THSD7A: variants seen among roughly 807,000 people sequenced by gnomAD.
The protein encoded by THSD7A is thrombospondin type-1 domain-containing protein 7A.
Under a neutral mutation model 231.3 loss-of-function variants are expected in THSD7A, and 96 were observed. The observed-to-expected ratio is 0.41, with a 90% CI of 0.35 to 0.49. The LOEUF (loss-of-function observed/expected upper bound fraction) is 0.49, where lower values mean the gene tolerates loss of function less well. Ranked by LOEUF, THSD7A falls within the 20% of genes least tolerant of loss-of-function variation. The probability of loss-of-function intolerance (pLI) is 0.05; values close to 1 mark genes in which losing one functional copy is unlikely to be tolerated. For synonymous variants in THSD7A, 940 were observed against 743.3 expected, an observed-to-expected ratio of 1.26 and a Z score of -4.30; for missense variants, 2,290 against 2,070.2, an observed-to-expected ratio of 1.11 and a Z score of -2.06.
chr7:11,447,236 G>C lies in THSD7A; in HGVS notation c.2794C>G (p.Leu932Val), dbSNP rs1784999600. 1 of 1,612,876 alleles carries C rather than the reference G, an allele frequency of 6.2e-7. No individual in the cohort carries two copies. The highest frequency in any genetic ancestry group is 8.5e-7 in the Non-Finnish European group (1 of 1,179,332). ...CGAVRTRKRT[L>V]VGKSKKKEKC... is the part of the protein sequence containing the mutation. ...GCATCCCAATTATTCTTACCAACAA[G>C]AGTGCGCTTTCTGGTCCTAACTGCA... Residue 932 changes from leucine to valine, a missense_variant, in exon 12 of 28, where the codon CTT (leucine) becomes GTT (valine). Physicochemically the swap from Leu to Val is conservative, Grantham distance 32. Coordinates refer to ENST00000423059, the MANE Select transcript of THSD7A (RefSeq NM_015204.3).
At chr7:11,389,307 G>C (rs1782885847) in intron 23 of THSD7A, among the ~76,000 whole-genome samples, 1 of 150,914 alleles carries the variant, frequency 6.6e-6, no homozygotes, top group African/African-American at 2.4e-5. Context: ...ATTTAAGACA[G>C]TTAGCTGTTC....
At position 11,637,635 on chromosome 7, in the gene THSD7A, A is replaced by G. The variant is rs1430537868; in HGVS notation, c.191-674T>C. 6.6e-6 allele frequency among the ~76,000 whole-genome samples: 1 copy of G among 152,152 alleles called. No individual in the cohort carries two copies. The highest frequency in any genetic ancestry group is 2.4e-5 in the African/African-American group (1 of 41,432). On this transcript the variant is annotated intron_variant, in intron 1 of 27. Transcript: ENST00000423059. The surrounding 1 kb of genome is among the most constrained non-coding windows in gnomAD (Gnocchi z 4.2). ...TATAGAGCTGGGTAAGGGAATTTAA[A>G]TGTAACTAAAAGACTTTTGCAATTT...
chr7:11,739,296 G>C (rs1026376619), intron 1 of THSD7A, among the ~76,000 whole-genome samples: 3 of 151,932 alleles, frequency 2.0e-5, no homozygotes, highest in Non-Finnish European at 4.4e-5. Context: ...ATAGACAATG[G>C]AATTAAAATT....
At chr7:11,703,924 G>A (rs1461152472) in intron 1 of THSD7A, among the ~76,000 whole-genome samples, 1 of 151,132 alleles carries the variant, frequency 6.6e-6, no homozygotes. Flanking sequence ...TTCTCACACT[G>A]AAACTGGAAT....
chr7:11,746,823 A>T (rs988369427), intron 1 of THSD7A, among the ~76,000 whole-genome samples: 2 of 151,864 alleles, frequency 1.3e-5, no homozygotes, highest in African/African-American at 4.8e-5. Flanking sequence ...GGGTGCGTTA[A>T]ACTGTACCTC....
intron 1 of THSD7A, among the ~76,000 whole-genome samples, chr7:11,726,109 C>T (rs1781535729): frequency 6.6e-6 from 1 of 151,778 alleles, no homozygotes; most frequent in Non-Finnish European, 1.5e-5. Flanking sequence ...AAATAGTTTC[C>T]ATAAAAGCTA....
chr7:11,431,570 G>A (rs933090967), intron 13 of THSD7A, among the ~76,000 whole-genome samples: 2 of 152,120 alleles, frequency 1.3e-5, no homozygotes, highest in African/African-American at 2.4e-5. Flanking sequence ...TTTCATGATA[G>A]TACCACATAG....
chr7:11,639,837 A>G (rs573415884), intron 1 of THSD7A, among the ~76,000 whole-genome samples: 1 of 152,192 alleles, frequency 6.6e-6, no homozygotes, highest in Non-Finnish European at 1.5e-5. Flanking sequence ...TCCCTAAAAC[A>G]ACTATGAAAC....
At chr7:11,828,645 A>G (rs1427793373) in intron 1 of THSD7A, among the ~76,000 whole-genome samples, 1 of 152,166 alleles carries the variant, frequency 6.6e-6, no homozygotes, top group Non-Finnish European at 1.5e-5. Flanking sequence ...GCAGTATCCC[A>G]TTCAGCTTTT....
chr7:11,422,016 G>A (rs531203577), intron 16 of THSD7A, among the ~76,000 whole-genome samples: 11 of 152,020 alleles, frequency 7.2e-5, no homozygotes, highest in African/African-American at 2.7e-4. Context: ...CCTTTCTAAG[G>A]AGCAAGAATT....
At chr7:11,528,274 T>C (rs1788560560) in intron 6 of THSD7A, among the ~76,000 whole-genome samples, 1 of 152,198 alleles carries the variant, frequency 6.6e-6, no homozygotes. Context: ...CCTTTCATAT[T>C]ATCAAATTTA....
chr7:11,820,828 C>A, intron 1 of THSD7A: 1 of 981,032 alleles, frequency 1.0e-6, no homozygotes, highest in East Asian at 2.4e-5. Context: ...GCTTCTTCTG[C>A]TTCTTTGATC....
chr7:11,772,641 T>C (rs967979976), intron 1 of THSD7A, among the ~76,000 whole-genome samples: 2 of 152,182 alleles, frequency 1.3e-5, no homozygotes, highest in African/African-American at 4.8e-5. Flanking sequence ...GCATTCTTAC[T>C]TAAAAATGGG....
chr7:11,399,673 G>A (rs896037586), intron 23 of THSD7A, among the ~76,000 whole-genome samples: 2 of 152,206 alleles, frequency 1.3e-5, no homozygotes, highest in African/African-American at 4.8e-5. Flanking sequence ...AGGTGCTGGA[G>A]AGGATCTGGA....
In THSD7A at chr7:11,458,151, T is replaced by C. The variant is rs1286276062; in HGVS notation, c.2605+2511A>G. Among the ~76,000 whole-genome samples, 16 of 152,192 alleles carry C rather than the reference T, an allele frequency of 1.1e-4. No homozygotes were observed. In the East Asian group the frequency reaches 3.1e-3, roughly 29 times the overall value. ...ATAGTCTTTGTTGATTGATTTAATG[T>C]TTACTATATAATTATTTTTGTCATA... On this transcript the variant is annotated intron_variant, in intron 11 of 27. Coordinates refer to ENST00000423059, the MANE Select transcript of THSD7A (RefSeq NM_015204.3).
intron 1 of THSD7A, among the ~76,000 whole-genome samples, chr7:11,708,177 G>A (rs986916679): frequency 1.3e-5 from 2 of 150,740 alleles, no homozygotes; most frequent in African/African-American, 4.8e-5. Context: ...CAGATAAAAT[G>A]TAGAGAGAAG....
intron 1 of THSD7A, among the ~76,000 whole-genome samples, chr7:11,780,528 C>A (rs146073392): frequency 6.6e-6 from 1 of 152,110 alleles, no homozygotes; most frequent in Non-Finnish European, 1.5e-5. Flanking sequence ...CGACAGCCAG[C>A]TCTAACATGC....
chr7:11,653,907 A>T (rs1038985539), intron 1 of THSD7A, among the ~76,000 whole-genome samples: 7 of 151,938 alleles, frequency 4.6e-5, no homozygotes, highest in African/African-American at 1.7e-4. Flanking sequence ...TCTTTTCTGC[A>T]TTCACTTGAA....
intron 1 of THSD7A, among the ~76,000 whole-genome samples, chr7:11,766,415 G>A (rs543630090): frequency 6.6e-6 from 1 of 152,206 alleles, no homozygotes; most frequent in Non-Finnish European, 1.5e-5. Flanking sequence ...GATAAATGAA[G>A]TAGGTAAATA....
Sources: gnomAD v4.1 joint callset for allele counts (sites outside exome capture counted in the v4.1 genomes callset) on GRCh38, gnomAD v4.1.1 for gene constraint, Gnocchi (gnomAD v3.1) non-coding constraint, MANE v1.5 for transcripts, NCBI Gene and HGNC (gene_info 2026-07-23, HGNC 2026-07-21) for gene names.